DNAH10: variants seen among roughly 807,000 people sequenced by gnomAD.
DNAH10 encodes the protein dynein axonemal heavy chain 10, also known as axonemal beta dynein heavy chain 10.
DNAH10 carries 348 observed loss-of-function variants against 506.6 expected under a neutral mutation model. The observed-to-expected ratio is 0.69, with a 90% confidence interval of 0.63 to 0.75. DNAH10 has a LOEUF of 0.75. Among genes scored for constraint, DNAH10 ranks in the 30% least tolerant of loss-of-function variants. DNAH10 has a pLI of 0.00. For synonymous variants in DNAH10, 2,059 were observed against 2,198.6 expected (o/e 0.94, Z 1.78); for missense variants, 5,179 against 5,787.1 (o/e 0.89, Z 3.41).
At chr12:123,879,379 T>G (rs1267704854) in intron 49 of DNAH10, 22 bp downstream of exon 49, 2 of 1,549,570 alleles carry the variant, frequency 1.3e-6, no homozygotes, top group Non-Finnish European at 1.7e-6. Flanking sequence ...CAATGCTTCT[T>G]CTCAGGAAAT....
chr12:123,879,053 G>A (rs898027633), intron 48 of DNAH10, among the ~76,000 whole-genome samples: 2 of 152,122 alleles, frequency 1.3e-5, no homozygotes, highest in Non-Finnish European at 1.5e-5. Context: ...GATAAGCTAC[G>A]GATGATGACT....
At chr12:123,929,865 T>C (rs1053185387) in intron 72 of DNAH10, 106 bp downstream of exon 72, 8 of 977,170 alleles carry the variant, frequency 8.2e-6, no homozygotes, top group South Asian at 4.4e-5. Flanking sequence ...CTTCTGCCCC[T>C]GTGTTCCCCT....
At position 123,926,336 on chromosome 12, in the gene DNAH10, AG is replaced by A; in HGVS notation, c.11922-298del. The A allele has an allele frequency of 2.7e-6, 1 of 366,772 alleles. No individual in the cohort carries two copies. Among genetic ancestry groups the A allele is most frequent in the Non-Finnish European group, 4.8e-6 (1 of 208,248 alleles). The allele number at this position is 366,772 out of a possible 1,614,324, so 22.7% of individuals were successfully genotyped here. A position where few individuals can be genotyped will look rare whatever the true frequency, so the allele number is the denominator to read the frequency against. On this transcript the variant is annotated intron_variant, in intron 68 of 78. Coordinates refer to ENST00000673944, the MANE Select transcript of DNAH10 (RefSeq NM_001372106.1). This position sits in a 1 kb window ranked among gnomAD's most constrained non-coding sequence, Gnocchi z 4.1. Reference sequence around the variant, plus strand: ...ATTCAGGACACGCCTGTGGAACCTCAGGGTTTTGTGCCATGGGCAGGCCCAC... The same window carrying A: ...ATTCAGGACACGCCTGTGGAACCTCAGGTTTTGTGCCATGGGCAGGCCCAC...
rs751867595 is a variant in DNAH10 at position 123,859,165 on chromosome 12, C to G, written c.6646C>G (p.Gln2216Glu). 3.7e-6 allele frequency: 6 copies of G among 1,609,926 alleles called. No individual in the cohort carries two copies. Among genetic ancestry groups the G allele is most frequent in the Admixed American group, 3.4e-5 (2 of 59,260 alleles). The change falls in exon 38 of 79, where the codon CAA (glutamine) becomes GAA (glutamate). Residue 2216 changes from glutamine to glutamate, a missense_variant. This residue lies in a region of DNAH10 where 4,844 missense variants were observed against 5,430.5 expected (regional missense o/e 0.89). Transcript: ENST00000673944. Reference sequence around the variant, plus strand: ...TGTCCCGCAGGTGGATAAAGTGGTTCAAATGTTCGAGACCATGTTAACCCG... The same window carrying G: ...TGTCCCGCAGGTGGATAAAGTGGTTGAAATGTTCGAGACCATGTTAACCCG... ...VLPIQVDKVV[Q>E]MFETMLTRHT...
intron 77 of DNAH10, 24 bp from the exon 78 acceptor site, chr12:123,934,597 C>G (rs779240954): frequency 6.2e-7 from 1 of 1,612,032 alleles, no homozygotes; most frequent in East Asian, 2.2e-5. Context: ...CCAGTTGTAT[C>G]CAGTCTCTGC....
Position 123,918,709 on chromosome 12 carries a change from G to A in DNAH10, c.11266G>A (p.Ala3756Thr), listed in dbSNP as rs1473750538. Residue 3756 changes from alanine (A) to threonine (T), a missense_variant, in exon 65 of 79, where the codon GCC becomes ACC. By Grantham distance (58) the Ala-to-Thr change is moderately conservative. Transcript: ENST00000673944. ...GAAACTCAAGCTGGCGGAGAAGACA[G>A]CCTTGGACATCGACAGGCTGCGGGA... is the stretch of plus-strand genomic sequence containing the variant. ...SEKLKLAEKT[A>T]LDIDRLRDGY... 1 of 1,585,286 alleles carries A rather than the reference G, an allele frequency of 6.3e-7. No individual in the cohort carries two copies. The highest frequency in any genetic ancestry group is 1.7e-5 in the Admixed American group (1 of 57,656).
intron 6 of DNAH10, 145 bp from the exon 7 acceptor site, chr12:123,782,962 T>C (rs1565897165): frequency 3.2e-6 from 2 of 620,482 alleles, no homozygotes; most frequent in Non-Finnish European, 5.7e-6. Flanking sequence ...GAGAATGAGA[T>C]ACAGATATTA....
Position 123,766,167 on chromosome 12 carries a change from C to A in DNAH10, c.215-1439C>A, listed in dbSNP as rs571989650. 3.5e-4 allele frequency among the ~76,000 whole-genome samples: 53 copies of A among 152,094 alleles called. 1 individual carries two copies. The highest frequency in any genetic ancestry group is 6.2e-4 in the South Asian group (3 of 4,822). ...TACCTACCTACCTATACATCTATCT[C>A]TCTCTATCTATACATCTATCTATCT... On this transcript the variant is annotated intron_variant, in intron 1 of 78. Transcript: ENST00000673944.
chr12:123,874,821 C>T (rs1952184959), intron 46 of DNAH10, among the ~76,000 whole-genome samples: 1 of 152,200 alleles, frequency 6.6e-6, no homozygotes, highest in Admixed American at 6.5e-5. Context: ...AGGCATATCA[C>T]ACCCCCTGGG....
Position 123,853,172 on chromosome 12 carries a change from C to A in DNAH10, c.6292-34C>A, listed in dbSNP as rs776564529. ...TTGCTTTTGAATCATTTTCTTTTTT[C>A]TTTTTTTTTGTATTATTATCTTCTA... is the stretch of plus-strand genomic sequence containing the variant. On this transcript the variant is annotated intron_variant, in intron 35 of 78. Transcript: ENST00000673944. The surrounding 1 kb of genome is among the most constrained non-coding windows in gnomAD (Gnocchi z 4.7). 1.3e-6 allele frequency: 2 copies of A among 1,485,246 alleles called. No homozygotes were observed. Among genetic ancestry groups the A allele is most frequent in the Non-Finnish European group, 9.0e-7 (1 of 1,110,408 alleles). The allele number at this position is 1,485,246 out of a possible 1,614,324, so 92.0% of individuals were successfully genotyped here.
chr12:123,785,784 C>T lies in DNAH10; in HGVS notation c.1269C>T (p.Asp423=). The T allele has an allele frequency of 1.2e-6, 2 of 1,614,026 alleles. No individual in the cohort carries two copies. ...GGTCTGGCTTCCACGTGGTCCTGGA[C>T]ACCATCCCCGCCATGATGAGTGCCC... ...THGSGFHVVL[D]TIPAMMSALR... Residue 423 remains aspartate, a synonymous_variant, in exon 9 of 79, where the codon GAC becomes GAT. Transcript: ENST00000673944. The surrounding 1 kb of genome is among the most constrained non-coding windows in gnomAD (Gnocchi z 4.1).
chr12:123,837,989 G>A (rs1341289685), intron 28 of DNAH10, among the ~76,000 whole-genome samples: 2 of 152,074 alleles, frequency 1.3e-5, no homozygotes, highest in Non-Finnish European at 2.9e-5. Context: ...GCAGATGATT[G>A]ACCTGTTGCT....
rs748211425 is a variant in DNAH10 at position 123,926,668 on chromosome 12, G to A, written c.11953G>A (p.Ala3985Thr). The change falls in exon 69 of 79, where the codon GCT (alanine) becomes ACT (threonine). Residue 3985 changes from alanine (A) to threonine (T), a missense_variant. Physicochemically the swap from Ala to Thr is moderately conservative, Grantham distance 58. Transcript: ENST00000673944. The surrounding 1 kb of genome is among the most constrained non-coding windows in gnomAD (Gnocchi z 4.1). The part of the protein sequence containing the change: ...YVQPPMISFE[A>T]IFEQSTPHSP... The stretch of plus-strand genomic sequence containing the variant: ...GCAGCCCCCAATGATCAGCTTTGAA[G>A]CTATTTTTGAGCAGAGCACTCCACA... 6.2e-7 allele frequency: 1 copy of A among 1,613,868 alleles called. No individual in the cohort carries two copies. The highest frequency in any genetic ancestry group is 8.5e-7 in the Non-Finnish European group (1 of 1,179,860).
At chr12:123,805,264 T>C (rs1380376481) in intron 18 of DNAH10, among the ~76,000 whole-genome samples, 2 of 152,126 alleles carry the variant, frequency 1.3e-5, no homozygotes, top group South Asian at 2.1e-4. Flanking sequence ...ACTTCAACTG[T>C]CTGAAAGCCA....
chr12:123,822,557 T>G (rs909542596), intron 24 of DNAH10, among the ~76,000 whole-genome samples: 1 of 152,244 alleles, frequency 6.6e-6, no homozygotes, highest in African/African-American at 2.4e-5. Flanking sequence ...CATTATCTAA[T>G]CTATATCTAT....
chr12:123,796,840 G>T lies in DNAH10; in HGVS notation c.2163+8G>T. The T allele has an allele frequency of 6.3e-7, 1 of 1,584,790 alleles. No homozygotes were observed. The highest frequency in any genetic ancestry group is 1.2e-5 in the South Asian group (1 of 84,768). On this transcript the variant is annotated splice_region_variant and intron_variant, in intron 13 of 78. Coordinates refer to ENST00000673944, the MANE Select transcript of DNAH10 (RefSeq NM_001372106.1). ...AGTGATCGAGGACAGGAGGTATGTT[G>T]CTCTTGCTAGAATTGGCTCCTTTTG...
chr12:123,880,454 C>T (rs1952455444), intron 50 of DNAH10, among the ~76,000 whole-genome samples: 1 of 152,106 alleles, frequency 6.6e-6, no homozygotes, highest in African/African-American at 2.4e-5. Context: ...ATCTTCCTGC[C>T]TCAGCCTCTG....
Position 123,846,408 on chromosome 12 carries a change from C to G in DNAH10, c.5814+254C>G, listed in dbSNP as rs111635210. Reference sequence around the variant, plus strand: ...TCAGGGGTATTGGTAGAGGCCAATGCGAAAATGCAGGAATGTCAAAGGTGG... The same window carrying G: ...TCAGGGGTATTGGTAGAGGCCAATGGGAAAATGCAGGAATGTCAAAGGTGG... On this transcript the variant is annotated intron_variant, in intron 32 of 78. Transcript: ENST00000673944. This position sits in a 1 kb window ranked among gnomAD's most constrained non-coding sequence, Gnocchi z 4.5. Among the ~76,000 whole-genome samples the G allele has an allele frequency of 0.051, 7,788 of 152,060 alleles. 653 individuals carry two copies. The highest frequency in any genetic ancestry group is 0.18 in the African/African-American group (7,363 of 41,420).
intron 51 of DNAH10, among the ~76,000 whole-genome samples, chr12:123,882,691 C>T (rs1952558091): frequency 6.8e-6 from 1 of 147,154 alleles, no homozygotes; most frequent in African/African-American, 2.5e-5. Flanking sequence ...TACTCGGAGG[C>T]TGAGGCAGGA....
Sources: gnomAD v4.1 joint callset for allele counts (sites outside exome capture counted in the v4.1 genomes callset) on GRCh38, gnomAD v4.1.1 for gene constraint, gnomAD v4.1.1 regional missense constraint, Gnocchi (gnomAD v3.1) non-coding constraint, MANE v1.5 for transcripts, NCBI Gene and HGNC (gene_info 2026-07-23, HGNC 2026-07-21) for gene names.